The following EXOC6 variants were observed in gnomAD, a reference collection of about 807,000 sequenced individuals.
EXOC6 encodes the protein exocyst complex component 6.
EXOC6 carries 60 observed loss-of-function variants against 112.5 expected under a neutral mutation model. That is an observed-to-expected ratio of 0.53 (90% CI 0.43 to 0.66). The LOEUF is 0.66. Among genes scored for constraint, EXOC6 ranks in the 30% least tolerant of loss-of-function variants. The pLI is 0.00. For missense variants in EXOC6, 855 were observed against 957.1 expected, an observed-to-expected ratio of 0.89 and a Z score of 1.41; for synonymous variants, 295 against 308.0, an observed-to-expected ratio of 0.96 and a Z score of 0.44.
intron 1 of EXOC6, among the ~76,000 whole-genome samples, chr10:92,851,705 A>G (rs527877328): frequency 6.6e-6 from 1 of 152,102 alleles, no homozygotes; most frequent in East Asian, 1.9e-4. Flanking sequence ...AACTAACCAA[A>G]CAAACAAAAA....
rs76514720 is a variant in EXOC6, at chr10:92,914,581, A to G, written c.664-1177A>G. 2.9e-3 allele frequency among the ~76,000 whole-genome samples: 444 copies of G among 152,342 alleles called. 2 individuals are homozygous for G. The highest frequency in any genetic ancestry group is 0.01 in the African/African-American group (426 of 41,600). On this transcript the variant is annotated intron_variant, in intron 6 of 21. Coordinates refer to ENST00000260762, the MANE Select transcript of EXOC6 (RefSeq NM_019053.6). Reference sequence around the variant, plus strand: ...TTTTATACTCTGAGGACAGAAAATCATTGACAAAATTAGTTTGGGCACAGA... The same window carrying G: ...TTTTATACTCTGAGGACAGAAAATCGTTGACAAAATTAGTTTGGGCACAGA...
chr10:92,880,060 T>A (rs1848873593), intron 1 of EXOC6, among the ~76,000 whole-genome samples: 1 of 152,214 alleles, frequency 6.6e-6, no homozygotes, highest in Non-Finnish European at 1.5e-5. Context: ...CACATCATAT[T>A]TTGATGTGGT....
chr10:92,867,020 A>C (rs1417494335), intron 1 of EXOC6, among the ~76,000 whole-genome samples: 1 of 152,174 alleles, frequency 6.6e-6, no homozygotes, highest in African/African-American at 2.4e-5. Flanking sequence ...CTTGTTTTAC[A>C]TACTTAATGA....
intron 20 of EXOC6, among the ~76,000 whole-genome samples, chr10:93,040,888 A>G (rs1845734180): frequency 6.6e-6 from 1 of 151,924 alleles, no homozygotes; most frequent in Admixed American, 6.6e-5. Context: ...CTGCCCCCTA[A>G]ATGTTGGTTT....
chr10:92,887,285 T>C (rs1849267831), intron 1 of EXOC6, among the ~76,000 whole-genome samples: 1 of 152,156 alleles, frequency 6.6e-6, no homozygotes, highest in African/African-American at 2.4e-5. Context: ...CAGTCAGCTA[T>C]TTATTATTGG....
At chr10:92,828,635 G>GT (rs11361269) in intron 1 of EXOC6, among the ~76,000 whole-genome samples, 77,644 of 126,970 alleles carry the variant, frequency 0.61, 25,935 homozygotes, top group Middle Eastern at 0.7. Flanking sequence ...TGCCCCGCCA[G>GT]TTTTTTTTTT....
At chr10:92,911,736 GA>G (rs1245269993) in intron 6 of EXOC6, among the ~76,000 whole-genome samples, 1 of 152,114 alleles carries the variant, frequency 6.6e-6, no homozygotes, top group Non-Finnish European at 1.5e-5. Flanking sequence ...TCTCTGTGGG[GA>G]TGTTTTTCTT....
chr10:92,999,634 T>C (rs1479608425), intron 19 of EXOC6, among the ~76,000 whole-genome samples: 3 of 152,178 alleles, frequency 2.0e-5, no homozygotes, highest in African/African-American at 7.2e-5. Flanking sequence ...CACATTTACA[T>C]AACTTTCATT....
chr10:92,967,518 G>A (rs1842118004), intron 17 of EXOC6, among the ~76,000 whole-genome samples: 2 of 152,006 alleles, frequency 1.3e-5, no homozygotes, highest in Admixed American at 1.3e-4. Context: ...GAGAATTAAA[G>A]CTGGATTTAA....
At chr10:92,925,839 T>A (rs920639904) in intron 8 of EXOC6, among the ~76,000 whole-genome samples, 166 of 151,508 alleles carry the variant, frequency 1.1e-3, no homozygotes, top group Middle Eastern at 3.4e-3. Context: ...AAAAAAAAAA[T>A]TTTTTTTAAA....
intron 1 of EXOC6, among the ~76,000 whole-genome samples, chr10:92,888,198 G>GT (rs1156648602): frequency 6.6e-6 from 1 of 151,938 alleles, no homozygotes; most frequent in Non-Finnish European, 1.5e-5. Flanking sequence ...TCAGGCTTTG[G>GT]TTTTCTATTA....
chr10:92,952,416 T>A, intron 15 of EXOC6, 34 bp downstream of exon 15: 1 of 1,284,694 alleles, frequency 7.8e-7, no homozygotes, highest in Non-Finnish European at 1.1e-6. Context: ...ATTTTTGTCA[T>A]AACTTTTATG....
chr10:93,004,167 T>C (rs1408165392), intron 19 of EXOC6, among the ~76,000 whole-genome samples: 1 of 152,146 alleles, frequency 6.6e-6, no homozygotes, highest in Admixed American at 6.6e-5. Context: ...TCCAGGCATT[T>C]TGGAGGAGGG....
upstream of EXOC6, among the ~76,000 whole-genome samples, chr10:92,848,274 G>T (rs1393663785): frequency 6.6e-6 from 1 of 152,108 alleles, no homozygotes; most frequent in African/African-American, 2.4e-5. Context: ...GCCCAGGAGG[G>T]ACTAGTCGCG....
chr10:92,974,314 T>A, intron 18 of EXOC6, 82 bp downstream of exon 18: 1 of 838,592 alleles, frequency 1.2e-6, no homozygotes, highest in Non-Finnish European at 1.7e-6. Context: ...TTTCCTTGCT[T>A]AAACCAACTT....
intron 20 of EXOC6, among the ~76,000 whole-genome samples, chr10:93,044,897 C>G (rs1161512905): frequency 6.6e-6 from 1 of 152,084 alleles, no homozygotes; most frequent in Non-Finnish European, 1.5e-5. Context: ...TTTGGAGACA[C>G]TGTCTCATTC....
At chr10:92,843,775 G>A (rs905801702), upstream of EXOC6, among the ~76,000 whole-genome samples, 1 of 152,098 alleles carries the variant, frequency 6.6e-6, no homozygotes, top group Non-Finnish European at 1.5e-5. Flanking sequence ...GGATCACGAT[G>A]TCAGGAGTTC....
At chr10:93,020,735 G>A (rs1844745426) in intron 20 of EXOC6, among the ~76,000 whole-genome samples, 1 of 152,020 alleles carries the variant, frequency 6.6e-6, no homozygotes, top group African/African-American at 2.4e-5. Flanking sequence ...TTTAATATGT[G>A]AAACTTCTAG....
chr10:93,039,689 C>G (rs538763991), intron 20 of EXOC6, among the ~76,000 whole-genome samples: 11 of 152,294 alleles, frequency 7.2e-5, no homozygotes, highest in African/African-American at 2.6e-4. Flanking sequence ...TAAGTAGTTT[C>G]CACTTCCTTA....
Sources: gnomAD v4.1 joint callset for allele counts (sites outside exome capture counted in the v4.1 genomes callset) on GRCh38, gnomAD v4.1.1 for gene constraint, MANE v1.5 for transcripts, NCBI Gene and HGNC (gene_info 2026-07-23, HGNC 2026-07-21) for gene names.